The following AQR variants were observed in gnomAD, a reference collection of about 807,000 sequenced individuals.
AQR encodes the protein aquarius intron-binding spliceosomal factor.
AQR carries 61 observed loss-of-function variants against 180.5 expected under a neutral mutation model. The ratio of observed to expected loss-of-function variants is 0.34; its 90% CI spans 0.28 to 0.42. The LOEUF (loss-of-function observed/expected upper bound fraction) is 0.42. Among genes scored for constraint, AQR ranks in the 10% least tolerant of loss-of-function variants. AQR has a pLI of 1.00. For missense variants in AQR, 1,281 were observed against 1,798.3 expected, an observed-to-expected ratio of 0.71 and a Z score of 5.20; for synonymous variants, 551 against 588.8, an observed-to-expected ratio of 0.94 and a Z score of 0.93.
intron 11 of AQR, among the ~76,000 whole-genome samples, chr15:34,930,913 T>C (rs1053303532): frequency 6.8e-6 from 1 of 147,010 alleles, no homozygotes; most frequent in Non-Finnish European, 1.5e-5. Flanking sequence ...CTCGGCTCAC[T>C]GCAAGCTCCG....
At chr15:34,878,385 CAAAAAAAAAAA>C (rs5811839) in intron 27 of AQR, among the ~76,000 whole-genome samples, 15 of 41,662 alleles carry the variant, frequency 3.6e-4, no homozygotes, top group South Asian at 1.2e-3. Context: ...GACTCTGTCT[CAAAAAAAAAAA>C]AAAAAAAAAA....
At chr15:34,890,415 T>A in intron 23 of AQR, 91 bp from the exon 24 acceptor site, 3 of 1,050,602 alleles carry the variant, frequency 2.9e-6, no homozygotes, top group Non-Finnish European at 4.3e-6. Flanking sequence ...CAGAAGGAAA[T>A]CAGCCTTATA....
intron 23 of AQR, 68 bp from the exon 24 acceptor site, chr15:34,890,392 C>T: frequency 7.5e-7 from 1 of 1,325,916 alleles, no homozygotes; most frequent in South Asian, 1.3e-5. Flanking sequence ...TAGAAAGAAT[C>T]AAAGTTGAAA....
rs184315812 is a variant in AQR, at chr15:34,898,978, T to C, written c.2244-1273A>G. On this transcript the variant is annotated intron_variant, in intron 20 of 34. Transcript: ENST00000156471. ...GTCAGCAGATCGAGACCATCCTGGC[T>C]AACACGGTGAAACCCTGTCTCTACC... Among the ~76,000 whole-genome samples the C allele has an allele frequency of 2.2e-3, 330 of 148,414 alleles. 6 individuals carry two copies. The highest frequency in any genetic ancestry group is 0.019 in the Admixed American group (273 of 14,688).
intron 6 of AQR, 133 bp downstream of exon 6, chr15:34,944,154 TC>T: frequency 2.6e-6 from 2 of 783,132 alleles, no homozygotes; most frequent in Non-Finnish European, 3.8e-6. Context: ...GTGGCTGAAA[TC>T]AAGCTTTTAG....
Position 34,874,598 on chromosome 15 carries a change from A to G in AQR, c.3425+79T>C, listed in dbSNP as rs905142337. 19 of 1,547,338 alleles carry G rather than the reference A, an allele frequency of 1.2e-5. No homozygotes were observed. The African/African-American group carries it at 2.3e-4, about 19-fold the overall frequency. On this transcript the variant is annotated intron_variant, in intron 29 of 34. Coordinates refer to ENST00000156471, the MANE Select transcript of AQR (RefSeq NM_014691.3). ...ATAGCCAAGAATGCTAATAGTCTAC[A>G]CAAAAGCTATTCACAAATACTTGGA...
chr15:34,883,207 A>G (rs1893002706), intron 26 of AQR, among the ~76,000 whole-genome samples: 1 of 152,180 alleles, frequency 6.6e-6, no homozygotes, highest in South Asian at 2.1e-4. Flanking sequence ...GGAACTGATG[A>G]AGAAATACCT....
intron 2 of AQR, among the ~76,000 whole-genome samples, chr15:34,961,786 T>A (rs1295143833): frequency 6.6e-6 from 1 of 151,876 alleles, no homozygotes; most frequent in Non-Finnish European, 1.5e-5. Flanking sequence ...CAAGCCTCAG[T>A]TTCCTTACCC....
intron 5 of AQR, 99 bp downstream of exon 5, chr15:34,948,165 G>A: frequency 1.5e-6 from 2 of 1,353,172 alleles, no homozygotes; most frequent in Admixed American, 2.4e-5. Flanking sequence ...ACTGGGTAAA[G>A]TTCTGCTCTA....
rs765809493 is a variant in AQR at position 34,904,552 on chromosome 15, A to G, written c.1832-47T>C. On this transcript the variant is annotated intron_variant, in intron 18 of 34. Transcript: ENST00000156471. The stretch of plus-strand genomic sequence containing the variant: ...GTTAAATAAAATATGTATTTTTCAA[A>G]TATCAAAATAAGTTAACAGTATTTC... The G allele has an allele frequency of 4.6e-6, 7 of 1,512,046 alleles. No individual in the cohort carries two copies. In the Admixed American group the frequency reaches 5.9e-5, roughly 13 times the overall value. The allele number at this position is 1,512,046 out of a possible 1,614,324, so 93.7% of individuals were successfully genotyped here. A position where few individuals can be genotyped will look rare whatever the true frequency, so the allele number is the denominator to read the frequency against.
intron 2 of AQR, among the ~76,000 whole-genome samples, chr15:34,961,937 G>A (rs1004497768): frequency 1.6e-4 from 24 of 151,324 alleles, no homozygotes; most frequent in African/African-American, 5.6e-4. Flanking sequence ...AGTAGTGCTA[G>A]CATTAATAAT....
At chr15:34,859,430 C>T (rs955537159) in intron 34 of AQR, among the ~76,000 whole-genome samples, 1 of 152,184 alleles carries the variant, frequency 6.6e-6, no homozygotes, top group Non-Finnish European at 1.5e-5. Context: ...GCAACTAGAA[C>T]TCTCACACTG....
At chr15:34,943,217 T>G in intron 6 of AQR, 1 of 1,610,314 alleles carries the variant, frequency 6.2e-7, no homozygotes, top group Non-Finnish European at 8.5e-7. Context: ...GGAAGCAGAG[T>G]GGCTATGGTG....
rs1168814951 is a variant in AQR, at chr15:34,853,384, G to C, written c.*3408C>G. The C allele has an allele frequency of 6.6e-6, 1 of 152,144 alleles. No individual in the cohort carries two copies. The highest frequency in any genetic ancestry group is 2.4e-5 in the African/African-American group (1 of 41,420). 9.4% of individuals were successfully genotyped at this position (152,144 alleles called of 1,614,324 possible). On this transcript the variant is annotated 3_prime_UTR_variant, in exon 35 of 35. Coordinates refer to ENST00000156471, the MANE Select transcript of AQR (RefSeq NM_014691.3). The stretch of plus-strand genomic sequence containing the variant: ...AACAATATAGATGATTTGGGGGTGG[G>C]ACAGTACAGAATTCAGAACTGATAG...
chr15:34,880,944 T>C (rs1170583022), intron 27 of AQR, among the ~76,000 whole-genome samples: 1 of 152,170 alleles, frequency 6.6e-6, no homozygotes, highest in African/African-American at 2.4e-5. Flanking sequence ...TTAAGTGTGA[T>C]AAAAATAAAA....
chr15:34,948,732 A>G (rs1481483717), intron 4 of AQR, among the ~76,000 whole-genome samples: 3 of 151,346 alleles, frequency 2.0e-5, no homozygotes, highest in Middle Eastern at 3.2e-3. Context: ...CCCGGGAAGA[A>G]GATGCAGTGA....
chr15:34,918,961 G>A (rs568702533), intron 14 of AQR, among the ~76,000 whole-genome samples: 4 of 152,040 alleles, frequency 2.6e-5, no homozygotes, highest in Admixed American at 6.6e-5. Flanking sequence ...GTGTTACACC[G>A]GGTGCAGTGG....
At chr15:34,922,996 T>TC (rs923879525) in intron 13 of AQR, among the ~76,000 whole-genome samples, 17 of 151,998 alleles carry the variant, frequency 1.1e-4, no homozygotes, top group Admixed American at 9.2e-4. Flanking sequence ...ATTATAGGAG[T>TC]CCCCCCTTAT....
chr15:34,963,863 C>T (rs1282698581), intron 2 of AQR, among the ~76,000 whole-genome samples: 6 of 59,638 alleles, frequency 1.0e-4, no homozygotes, highest in African/African-American at 2.6e-4. Context: ...TGGGGTTTCA[C>T]CGTGTTGGTC....
Sources: gnomAD v4.1 joint callset for allele counts (sites outside exome capture counted in the v4.1 genomes callset) on GRCh38, gnomAD v4.1.1 for gene constraint, MANE v1.5 for transcripts, NCBI Gene and HGNC (gene_info 2026-07-23, HGNC 2026-07-21) for gene names.